Variants in GLRX3 observed in about 807,000 individuals in gnomAD.
GLRX3 encodes glutaredoxin-3.
GLRX3 carries 22 observed loss-of-function variants against 49.5 expected under a neutral mutation model. The ratio of observed to expected loss-of-function variants is 0.44; its 90% confidence interval spans 0.32 to 0.63. The LOEUF (loss-of-function observed/expected upper bound fraction) is 0.63. GLRX3 is among the 30% of genes least tolerant of loss of function. GLRX3 has a pLI of 0.05. For synonymous variants in GLRX3, 133 were observed against 140.0 expected (o/e 0.95, Z 0.35); for missense variants, 385 against 396.3 (o/e 0.97, Z 0.24).
At chr10:130,162,144 A>AT (rs1169323446) in intron 4 of GLRX3, among the ~76,000 whole-genome samples, 1 of 151,956 alleles carries the variant, frequency 6.6e-6, no homozygotes, top group Non-Finnish European at 1.5e-5. Context: ...TGCCCGGCTA[A>AT]TTTTTTTGTA....
chr10:130,176,137 T>C (rs1862914074), intron 10 of GLRX3, among the ~76,000 whole-genome samples: 1 of 152,110 alleles, frequency 6.6e-6, no homozygotes, highest in Non-Finnish European at 1.5e-5. Context: ...TTACATTTTT[T>C]TTTGAGAGAG....
intron 7 of GLRX3, among the ~76,000 whole-genome samples, chr10:130,170,413 C>G (rs991824014): frequency 6.6e-6 from 1 of 152,096 alleles, no homozygotes; most frequent in African/African-American, 2.4e-5. Context: ...GTTAACATAA[C>G]TAGTATAATG....
intron 9 of GLRX3, 42 bp from the exon 10 acceptor site, chr10:130,174,955 G>A (rs1862886396): frequency 1.3e-6 from 2 of 1,557,058 alleles, no homozygotes; most frequent in Non-Finnish European, 1.8e-6. Flanking sequence ...TTAATCTTAA[G>A]GGCCTGATAG....
intron 2 of GLRX3, among the ~76,000 whole-genome samples, chr10:130,145,616 T>C (rs1590058243): frequency 6.6e-6 from 1 of 152,012 alleles, no homozygotes; most frequent in Non-Finnish European, 1.5e-5. Flanking sequence ...GAGCCGAGAT[T>C]GTGCCACTGC....
intron 1 of GLRX3, among the ~76,000 whole-genome samples, chr10:130,140,187 A>G (rs1474293063): frequency 6.6e-6 from 1 of 152,222 alleles, no homozygotes; most frequent in Non-Finnish European, 1.5e-5. Context: ...CTGCAGATGA[A>G]TGTAGTAGCA....
intron 6 of GLRX3, among the ~76,000 whole-genome samples, chr10:130,168,372 C>T (rs2182098): frequency 0.38 from 57,070 of 152,022 alleles, 12,007 homozygotes; most frequent in African/African-American, 0.57. Flanking sequence ...TAATCCCACT[C>T]GGTTGGCAAT....
At position 130,136,434 on chromosome 10, in the gene GLRX3, C is replaced by T. The variant is rs1362449272; in HGVS notation, c.14C>T (p.Ala5Val). 24 of 1,255,446 alleles carry T rather than the reference C, an allele frequency of 1.9e-5. No homozygotes were observed. Among genetic ancestry groups the T allele is most frequent in the South Asian group, 3.7e-5 (1 of 26,668 alleles). 77.8% of individuals were successfully genotyped at this position (1,255,446 alleles called of 1,614,324 possible). A position where few individuals can be genotyped will look rare whatever the true frequency, so the allele number is the denominator to read the frequency against. The change falls in exon 1 of 11, where the codon GCG becomes GTG. Residue 5 changes from alanine to valine, a missense_variant. Physicochemically the swap from Ala to Val is moderately conservative, Grantham distance 64 (BLOSUM62 0). This residue lies in a region of GLRX3 where 374 missense variants were observed against 358.6 expected (regional missense o/e 1.04). Transcript: ENST00000331244. MAAG[A>V]AEAAVAAVEE... ...GGCGGCGGCAGCATGGCGGCGGGGG[C>T]GGCTGAGGCAGCTGTAGCGGCCGTG...
rs766525520 is a variant in GLRX3, at chr10:130,159,972, G to A, written c.202-23G>A. 28 of 1,470,408 alleles carry A rather than the reference G, an allele frequency of 1.9e-5. No individual in the cohort carries two copies. The Admixed American group carries it at 4.4e-4, about 23-fold the overall frequency. 91.1% of individuals were successfully genotyped at this position (1,470,408 alleles called of 1,614,324 possible). A position where few individuals can be genotyped will look rare whatever the true frequency, so the allele number is the denominator to read the frequency against. ...TGAAAAAGGACCTTGTAATAATCAA[G>A]CTTGAATTCTTTTATTTTAAAGTTG... On this transcript the variant is annotated intron_variant, in intron 2 of 10. Coordinates refer to ENST00000331244, the MANE Select transcript of GLRX3 (RefSeq NM_006541.5).
At chr10:130,151,068 C>T (rs1302969140) in intron 2 of GLRX3, among the ~76,000 whole-genome samples, 2 of 151,918 alleles carry the variant, frequency 1.3e-5, no homozygotes, top group Non-Finnish European at 2.9e-5. Flanking sequence ...GCTGGGATTA[C>T]AGGTGTGTGC....
intron 2 of GLRX3, among the ~76,000 whole-genome samples, chr10:130,158,981 A>G (rs987477888): frequency 1.3e-5 from 2 of 152,194 alleles, no homozygotes; most frequent in Non-Finnish European, 2.9e-5. Context: ...TTTCTCTGCA[A>G]GCTTTATTTG....
chr10:130,145,840 C>T (rs182489024), intron 2 of GLRX3, among the ~76,000 whole-genome samples: 8 of 150,934 alleles, frequency 5.3e-5, no homozygotes, highest in South Asian at 2.1e-4. Flanking sequence ...CTTGTTCTGT[C>T]GCCCAGGCTG....
At chr10:130,167,906 C>G (rs1862724426) in intron 6 of GLRX3, among the ~76,000 whole-genome samples, 2 of 152,120 alleles carry the variant, frequency 1.3e-5, no homozygotes, top group East Asian at 1.9e-4. Context: ...TTTTTTGACT[C>G]TGGGCGTCTT....
intron 10 of GLRX3, among the ~76,000 whole-genome samples, chr10:130,176,882 A>G (rs1862934547): frequency 1.3e-5 from 2 of 151,154 alleles, no homozygotes; most frequent in Admixed American, 6.7e-5. Flanking sequence ...TGAATGTTTT[A>G]TAGCCTGTAC....
chr10:130,149,757 G>A (rs183898090), intron 2 of GLRX3, among the ~76,000 whole-genome samples: 2 of 149,922 alleles, frequency 1.3e-5, no homozygotes, highest in Admixed American at 6.7e-5. Context: ...GTATGAAATC[G>A]TAGCTATTTT....
At chr10:130,162,708 C>A (rs1465729556) in intron 4 of GLRX3, among the ~76,000 whole-genome samples, 2 of 152,154 alleles carry the variant, frequency 1.3e-5, no homozygotes, top group Non-Finnish European at 2.9e-5. Flanking sequence ...AATGAAAAGG[C>A]AGGTGGCAAC....
At chr10:130,160,666 C>T (rs1862556843) in intron 3 of GLRX3, 130 bp from the exon 4 acceptor site, 1 of 627,374 alleles carries the variant, frequency 1.6e-6, no homozygotes, top group Non-Finnish European at 2.8e-6. Flanking sequence ...AGATGCAGTG[C>T]AGGCAATTGG....
chr10:130,140,024 C>T (rs1029298581), intron 1 of GLRX3, among the ~76,000 whole-genome samples: 1 of 152,152 alleles, frequency 6.6e-6, no homozygotes, highest in African/African-American at 2.4e-5. Flanking sequence ...TAAAATTTGA[C>T]ATGAATTGAA....
intron 1 of GLRX3, among the ~76,000 whole-genome samples, chr10:130,139,955 G>A (rs1862143129): frequency 6.6e-6 from 1 of 152,118 alleles, no homozygotes; most frequent in Non-Finnish European, 1.5e-5. Flanking sequence ...CCGAATTTTA[G>A]TACTTGTGTT....
intron 7 of GLRX3, 137 bp downstream of exon 7, chr10:130,169,627 G>A: frequency 1.6e-6 from 1 of 633,562 alleles, no homozygotes; most frequent in South Asian, 1.8e-5. Context: ...GCCTTAATTG[G>A]TGCTTACGGA....
Sources: gnomAD v4.1 joint callset for allele counts (sites outside exome capture counted in the v4.1 genomes callset) on GRCh38, gnomAD v4.1.1 for gene constraint, gnomAD v4.1.1 regional missense constraint, MANE v1.5 for transcripts, NCBI Gene and HGNC (gene_info 2026-07-23, HGNC 2026-07-21) for gene names.